Variants in RDX observed in about 807,000 individuals in gnomAD.
RDX encodes the protein radixin.
Under a neutral mutation model 83.7 loss-of-function variants are expected in RDX, and 32 were observed. The ratio of observed to expected loss-of-function variants is 0.38; its 90% CI spans 0.29 to 0.51. The LOEUF is 0.51. Ranked by LOEUF, RDX falls within the 20% of genes least tolerant of loss-of-function variation. The pLI is 0.87. For synonymous variants in RDX, 229 were observed against 222.7 expected, an observed-to-expected ratio of 1.03 and a Z score of -0.25; for missense variants, 600 against 689.9, an observed-to-expected ratio of 0.87 and a Z score of 1.46.
chr11:110,208,263 C>T (rs1037129468), intron 14 of RDX, among the ~76,000 whole-genome samples: 2 of 152,246 alleles, frequency 1.3e-5, no homozygotes, highest in African/African-American at 4.8e-5. Context: ...ATGAAATACT[C>T]ATTCAGTTCT....
In RDX at chr11:110,177,877, G is replaced by A. The variant is rs113992515; in HGVS notation, c.*32-2643C>T. Among the ~76,000 whole-genome samples the A allele has an allele frequency of 6.5e-4, 99 of 152,128 alleles. 1 individual carries two copies. Among genetic ancestry groups the A allele is most frequent in the African/African-American group, 2.2e-3 (91 of 41,504 alleles). On this transcript the variant is annotated intron_variant, in intron 15 of 15. Coordinates refer to the RDX transcript ENST00000528498. ...TTCTAACCTGTAGCTAGAGTTAACCGTCTCATGATATACTTAGAAACCTTT... is the reference window on the plus strand; with the variant it reads ...TTCTAACCTGTAGCTAGAGTTAACCATCTCATGATATACTTAGAAACCTTT...
intron 1 of RDX, among the ~76,000 whole-genome samples, chr11:110,285,588 C>T (rs1287666502): frequency 6.6e-6 from 1 of 151,728 alleles, no homozygotes; most frequent in Admixed American, 6.6e-5. Flanking sequence ...TGGCACATGC[C>T]TGTAGTCCCT....
chr11:110,245,854 A>AAC (rs1859086436), intron 10 of RDX, among the ~76,000 whole-genome samples: 1 of 152,214 alleles, frequency 6.6e-6, no homozygotes, highest in African/African-American at 2.4e-5. Context: ...TCATTATACC[A>AAC]ACTCTTTTCT....
intron 15 of RDX, among the ~76,000 whole-genome samples, chr11:110,184,737 G>A (rs962202898): frequency 1.3e-5 from 2 of 152,238 alleles, no homozygotes; most frequent in African/African-American, 4.8e-5. Flanking sequence ...TGAAGGATGT[G>A]TGGTCAACAA....
At chr11:110,184,847 A>C (rs1862955689) in intron 15 of RDX, among the ~76,000 whole-genome samples, 2 of 152,334 alleles carry the variant, frequency 1.3e-5, no homozygotes, top group South Asian at 2.1e-4. Context: ...GATGTCAATT[A>C]TATAAAGTGC....
intron 14 of RDX, among the ~76,000 whole-genome samples, chr11:110,212,309 C>T (rs1327159096): frequency 1.3e-5 from 2 of 150,118 alleles, no homozygotes; most frequent in Admixed American, 1.3e-4. Flanking sequence ...TCTGAATAGA[C>T]CAATAACAGG....
chr11:110,249,332 C>T (rs1484822375), intron 9 of RDX, among the ~76,000 whole-genome samples: 2 of 152,168 alleles, frequency 1.3e-5, no homozygotes, highest in African/African-American at 4.8e-5. Flanking sequence ...AACTTGCAGT[C>T]TCTGATAAAC....
chr11:110,177,311 A>AT (rs1862795063), intron 15 of RDX, among the ~76,000 whole-genome samples: 1 of 152,204 alleles, frequency 6.6e-6, no homozygotes. Context: ...TGGTGCCCCC[A>AT]TTGCTGCACT....
chr11:110,199,584 G>A (rs1457891219), exon 15 of RDX: 18 of 702,916 alleles, frequency 2.6e-5, no homozygotes, highest in Non-Finnish European at 4.7e-5. Flanking sequence ...TACTTACCTA[G>A]TGAGGGAGGG....
intron 15 of RDX, among the ~76,000 whole-genome samples, chr11:110,186,535 G>A (rs1862991228): frequency 6.6e-6 from 1 of 151,908 alleles, no homozygotes; most frequent in African/African-American, 2.4e-5. Flanking sequence ...GCTTTAAGAT[G>A]GAAAATGGGA....
At chr11:110,201,903 TTG>T (rs141731309) in intron 14 of RDX, among the ~76,000 whole-genome samples, 13,247 of 136,134 alleles carry the variant, frequency 0.097, 628 homozygotes, top group Middle Eastern at 0.14. Context: ...CCGGCTAATT[TTG>T]TGTGTGTGTG....
At chr11:110,208,457 A>G (rs1261705623) in intron 14 of RDX, among the ~76,000 whole-genome samples, 1 of 151,950 alleles carries the variant, frequency 6.6e-6, no homozygotes, top group Admixed American at 6.6e-5. Context: ...TCAACCTCGA[A>G]TTTTCTCCAG....
intron 14 of RDX, among the ~76,000 whole-genome samples, chr11:110,216,129 T>C (rs1864042215): frequency 6.6e-6 from 1 of 152,178 alleles, no homozygotes; most frequent in Admixed American, 6.5e-5. Flanking sequence ...CACCATGGCT[T>C]AGGAAGCTCC....
chr11:110,194,968 T>C (rs566477973), intron 15 of RDX, among the ~76,000 whole-genome samples: 135 of 141,828 alleles, frequency 9.5e-4, no homozygotes, highest in Non-Finnish European at 1.4e-3. Context: ...GTGACTTTTT[T>C]GGTTGTTTTT....
At chr11:110,183,341 A>C (rs954791596) in intron 15 of RDX, among the ~76,000 whole-genome samples, 1 of 152,164 alleles carries the variant, frequency 6.6e-6, no homozygotes, top group African/African-American at 2.4e-5. Flanking sequence ...TAGATACTAG[A>C]AAAGTTCTTG....
At chr11:110,289,052 A>G (rs896008548) in intron 1 of RDX, among the ~76,000 whole-genome samples, 3 of 152,026 alleles carry the variant, frequency 2.0e-5, no homozygotes, top group Non-Finnish European at 4.4e-5. Context: ...AGCCTGACCA[A>G]CATGGAGAAA....
intron 14 of RDX, among the ~76,000 whole-genome samples, chr11:110,215,739 G>A (rs976437633): frequency 3.3e-5 from 5 of 152,164 alleles, no homozygotes; most frequent in Non-Finnish European, 5.9e-5. Flanking sequence ...AAACTGGAAA[G>A]GTCACATTTT....
At chr11:110,247,389 T>G (rs1565313247) in intron 10 of RDX, among the ~76,000 whole-genome samples, 3 of 151,446 alleles carry the variant, frequency 2.0e-5, no homozygotes, top group Admixed American at 6.6e-5. Context: ...ATTGCATATG[T>G]GTTTTTTGTT....
chr11:110,192,463 T>C (rs1047415947), intron 15 of RDX, among the ~76,000 whole-genome samples: 1 of 152,108 alleles, frequency 6.6e-6, no homozygotes, highest in African/African-American at 2.4e-5. Flanking sequence ...TAGCAAAGAA[T>C]TTATGGCTAA....
Sources: allele counts gnomAD v4.1 joint callset (sites outside exome capture counted in the v4.1 genomes callset), GRCh38; gene constraint gnomAD v4.1.1; transcripts MANE v1.5; gene names NCBI Gene and HGNC (gene_info 2026-07-23, HGNC 2026-07-21).